The following NFXL1 variants were observed in gnomAD, a reference collection of about 807,000 sequenced individuals.
NFXL1 encodes the protein nuclear transcription factor, X-box binding like 1, also known as NF-X1-type zinc finger protein NFXL1.
A neutral mutation model predicts 123.3 loss-of-function variants in NFXL1; 66 were observed. The observed-to-expected ratio is 0.54, with a 90% confidence interval of 0.44 to 0.66. The LOEUF is 0.66. Ranked by LOEUF, NFXL1 falls within the 30% of genes least tolerant of loss-of-function variation. NFXL1 has a pLI of 0.00. For synonymous variants in NFXL1, 346 were observed against 360.8 expected (o/e 0.96, Z 0.46); for missense variants, 944 against 1,125.6 (o/e 0.84, Z 2.31).
At chr4:47,856,463 T>A (rs1734421391) in intron 19 of NFXL1, among the ~76,000 whole-genome samples, 3 of 151,622 alleles carry the variant, frequency 2.0e-5, no homozygotes, top group African/African-American at 7.3e-5. Flanking sequence ...TTTCTTTGTG[T>A]CTCTCATGTC....
intron 22 of NFXL1, among the ~76,000 whole-genome samples, chr4:47,848,781 C>T (rs923101382): frequency 1.3e-5 from 2 of 151,718 alleles, no homozygotes; most frequent in African/African-American, 2.4e-5. Flanking sequence ...CCCAGCTACT[C>T]GGGAGGCTAA....
chr4:47,878,731 T>C, intron 16 of NFXL1, 66 bp from the exon 17 acceptor site: 1 of 1,183,218 alleles, frequency 8.5e-7, no homozygotes, highest in Non-Finnish European at 1.1e-6. Flanking sequence ...ATTATATGTT[T>C]CCAAAATTAC....
Position 47,885,967 on chromosome 4 carries a change from C to T in NFXL1, c.1576G>A (p.Val526Met). The T allele has an allele frequency of 6.8e-6, 11 of 1,613,672 alleles. No individual in the cohort carries two copies. The highest frequency in any genetic ancestry group is 2.2e-5 in the South Asian group (2 of 91,004). ...SCYPCPETVD[V>M]KCNCGNTKVT... The stretch of plus-strand genomic sequence containing the variant: ...TTTGTATTGCCACAATTACACTTCA[C>T]ATCTACGGTTTCTGGGCAGGGATAG... Residue 526 changes from valine (V) to methionine (M), a missense_variant, in exon 13 of 23, where the codon GTG becomes ATG. Transcript: ENST00000507489.
rs754648292 is a variant in NFXL1, at chr4:47,848,286, GTTC to G, written c.2610_2612del (p.Lys870del). On this transcript the variant is annotated inframe_deletion, in exon 23 of 23. Transcript: ENST00000507489. The stretch of plus-strand genomic sequence containing the variant: ...CAACTGCCACTTCATCTCTTTTCCT[GTTC>G]TTCTTCCGACGACCCTTCAGTCTGT... 3 of 1,612,440 alleles carry G rather than the reference GTTC, an allele frequency of 1.9e-6. No homozygotes were observed. The highest frequency in any genetic ancestry group is 1.7e-5 in the Admixed American group (1 of 59,972).
At chr4:47,870,619 C>T (rs950474646) in intron 18 of NFXL1, among the ~76,000 whole-genome samples, 9 of 150,004 alleles carry the variant, frequency 6.0e-5, no homozygotes, top group Admixed American at 2.0e-4. Context: ...AAAAAATATG[C>T]AAAGGACGTC....
Position 47,897,886 on chromosome 4 carries a change from T to A in NFXL1, c.1204+81A>T, listed in dbSNP as rs1463902057. 5 of 851,486 alleles carry A rather than the reference T, an allele frequency of 5.9e-6. No individual in the cohort carries two copies. In the Admixed American group the frequency reaches 9.4e-5, roughly 16 times the overall value. 52.7% of individuals were successfully genotyped at this position (851,486 alleles called of 1,614,324 possible). A position where few individuals can be genotyped will look rare whatever the true frequency, so the allele number is the denominator to read the frequency against. On this transcript the variant is annotated intron_variant, in intron 9 of 22. Coordinates refer to ENST00000507489, the MANE Select transcript of NFXL1 (RefSeq NM_001278624.2). ...TCATTTAGTAATATGCACTTAAGTT[T>A]CCTGGAGGACGTCTTTTGAATGTCT...
intron 19 of NFXL1, among the ~76,000 whole-genome samples, chr4:47,862,276 T>G (rs1734810994): frequency 6.6e-6 from 1 of 152,186 alleles, no homozygotes; most frequent in African/African-American, 2.4e-5. Context: ...AAAACACAAC[T>G]TTATAGATGA....
intron 20 of NFXL1, among the ~76,000 whole-genome samples, chr4:47,854,061 T>C (rs1236897026): frequency 1.3e-5 from 2 of 152,118 alleles, no homozygotes; most frequent in Non-Finnish European, 2.9e-5. Flanking sequence ...CAAGTATTTA[T>C]TTTCAGGTAC....
chr4:47,894,839 A>C (rs1473813936), intron 10 of NFXL1, among the ~76,000 whole-genome samples: 1 of 152,206 alleles, frequency 6.6e-6, no homozygotes, highest in Non-Finnish European at 1.5e-5. Context: ...ATGGCATCTA[A>C]AATGAGGAAT....
chr4:47,883,786 G>C (rs975936013), intron 15 of NFXL1, among the ~76,000 whole-genome samples: 1 of 152,106 alleles, frequency 6.6e-6, no homozygotes, highest in Non-Finnish European at 1.5e-5. Context: ...ACTTTATGTT[G>C]CTTCTCAGCA....
rs1437345279 is a variant in NFXL1 at position 47,875,266 on chromosome 4, C to T, written c.2107G>A (p.Glu703Lys). Reference protein sequence around the residue: ...KAGPECLHCEEGCSKSRPLGC... With the variant: ...KAGPECLHCEKGCSKSRPLGC... ...AGTGGCCGTGACTTGGAGCACCCTT[C>T]CTCACAATGAAGGCATTCTGGGCCA... The change falls in exon 18 of 23, where the codon GAA becomes AAA. Residue 703 changes from glutamate (E) to lysine (K), a missense_variant. By Grantham distance (56) the Glu-to-Lys change is moderately conservative. This residue lies in a region of NFXL1 where 301 missense variants were observed against 348.0 expected (regional missense o/e 0.86). Coordinates refer to ENST00000507489, the MANE Select transcript of NFXL1 (RefSeq NM_001278624.2). 6.2e-7 allele frequency: 1 copy of T among 1,612,572 alleles called. No homozygotes were observed. The highest frequency in any genetic ancestry group is 1.7e-5 in the Admixed American group (1 of 59,870).
At position 47,914,196 on chromosome 4, in the gene NFXL1, G is replaced by A; in HGVS notation, c.8C>T (p.Ala3Val). The A allele has an allele frequency of 1.3e-6, 2 of 1,511,918 alleles. No individual in the cohort carries two copies. The highest frequency in any genetic ancestry group is 1.2e-5 in the South Asian group (1 of 81,968). The allele number at this position is 1,511,918 out of a possible 1,614,324, so 93.7% of individuals were successfully genotyped here. The change falls in exon 2 of 23, where the codon GCT becomes GTT. Residue 3 changes from alanine to valine, a missense_variant. Physicochemically the swap from Ala to Val is moderately conservative, Grantham distance 64. This residue lies in a region of NFXL1 where 303 missense variants were observed against 292.1 expected (regional missense o/e 1.04). Coordinates refer to ENST00000507489, the MANE Select transcript of NFXL1 (RefSeq NM_001278624.2). Reference sequence around the variant, plus strand: ...GCCACCGGCCACCTGGCGCCAGGAAGCTTCCATCCCTGCAAAGGAGAAAAA... The same window carrying A: ...GCCACCGGCCACCTGGCGCCAGGAAACTTCCATCCCTGCAAAGGAGAAAAA... ME[A>V]SWRQVAGGRG...
chr4:47,908,596 T>C (rs990751077), intron 3 of NFXL1, among the ~76,000 whole-genome samples: 6 of 152,152 alleles, frequency 3.9e-5, no homozygotes, highest in Non-Finnish European at 8.8e-5. Flanking sequence ...CACATTAGTA[T>C]AGTGTAGATG....
intron 19 of NFXL1, among the ~76,000 whole-genome samples, chr4:47,862,572 A>C (rs1308275901): frequency 1.3e-5 from 2 of 152,200 alleles, no homozygotes; most frequent in Non-Finnish European, 2.9e-5. Flanking sequence ...TCACATTTTG[A>C]GGGATAAGCA....
chr4:47,901,406 T>C (rs2110101792), intron 5 of NFXL1, among the ~76,000 whole-genome samples: 1 of 152,282 alleles, frequency 6.6e-6, no homozygotes, highest in African/African-American at 2.4e-5. Flanking sequence ...TTTTAACTGA[T>C]CCTTTCCTCC....
At chr4:47,884,041 G>GT (rs1481342106) in intron 15 of NFXL1, among the ~76,000 whole-genome samples, 1 of 152,176 alleles carries the variant, frequency 6.6e-6, no homozygotes, top group Non-Finnish European at 1.5e-5. Context: ...ATCGGGAAAA[G>GT]TAACAAATGA....
intron 14 of NFXL1, 142 bp downstream of exon 14, chr4:47,885,356 A>G: frequency 3.2e-6 from 2 of 627,186 alleles, no homozygotes; most frequent in Non-Finnish European, 5.4e-6. Context: ...AAACAAAATC[A>G]AGTCTTGATT....
At chr4:47,910,699 T>C (rs1368864895) in intron 3 of NFXL1, 125 bp downstream of exon 3, 1 of 486,680 alleles carries the variant, frequency 2.1e-6, no homozygotes, top group Non-Finnish European at 3.5e-6. Context: ...AAAATTCAAC[T>C]CTATAACATA....
chr4:47,893,559 A>G (rs1017687973), intron 11 of NFXL1, among the ~76,000 whole-genome samples: 4 of 152,182 alleles, frequency 2.6e-5, no homozygotes, highest in African/African-American at 9.6e-5. Flanking sequence ...CCTTTTAAGT[A>G]TGGGGGTTAA....
Sources: allele counts gnomAD v4.1 joint callset (sites outside exome capture counted in the v4.1 genomes callset), GRCh38; gene constraint gnomAD v4.1.1; regional missense constraint gnomAD v4.1.1; transcripts MANE v1.5; gene names NCBI Gene and HGNC (gene_info 2026-07-23, HGNC 2026-07-21).